The following NSUN2 variants were observed in gnomAD, a reference collection of about 807,000 sequenced individuals.
NSUN2 encodes RNA cytosine C(5)-methyltransferase NSUN2.
NSUN2 carries 63 observed loss-of-function variants against 92.7 expected under a neutral mutation model. The observed-to-expected ratio is 0.68, with a 90% CI of 0.56 to 0.84. NSUN2 has a LOEUF of 0.84. NSUN2 is among the 40% of genes least tolerant of loss of function. NSUN2 has a pLI of 0.00. For synonymous variants in NSUN2, 356 were observed against 348.3 expected (o/e 1.02, Z -0.25); for missense variants, 989 against 964.9 (o/e 1.02, Z -0.33).
rs759251595 is a variant in NSUN2, at chr5:6,600,222, C to T, written c.2008G>A (p.Ala670Thr). 30 of 1,612,076 alleles carry T rather than the reference C, an allele frequency of 1.9e-5. No individual in the cohort carries two copies. The highest frequency in any genetic ancestry group is 5.3e-5 in the African/African-American group (4 of 74,822). Residue 670 changes from alanine (A) to threonine (T), a missense_variant, in exon 19 of 19, where the codon GCT (alanine) becomes ACT (threonine). Physicochemically the swap from Ala to Thr is moderately conservative, Grantham distance 58. Coordinates refer to ENST00000264670, the MANE Select transcript of NSUN2 (RefSeq NM_017755.6). Reference protein sequence around the residue: ...KYEPDSANPDALQCPIVLCGW... With the variant: ...KYEPDSANPDTLQCPIVLCGW... ...CATAAGACGATGGGACACTGCAGAG[C>T]GTCTGGATTCCTACAAGTGAAAGTG...
intron 12 of NSUN2, among the ~76,000 whole-genome samples, chr5:6,609,365 C>T (rs1242510725): frequency 1.3e-5 from 2 of 152,288 alleles, no homozygotes; most frequent in African/African-American, 4.8e-5. Flanking sequence ...GCAAACAGGC[C>T]GGGCTGCATC....
intron 5 of NSUN2, 118 bp from the exon 6 acceptor site, chr5:6,622,218 G>T: frequency 2.7e-6 from 2 of 754,262 alleles, no homozygotes. Flanking sequence ...CTTCTTTACA[G>T]AGTCTATAGC....
At position 6,611,753 on chromosome 5, in the gene NSUN2, T is replaced by C; in HGVS notation, c.1067A>G (p.Lys356Arg). 5 of 1,614,202 alleles carry C rather than the reference T, an allele frequency of 3.1e-6. No homozygotes were observed. Among genetic ancestry groups the C allele is most frequent in the Non-Finnish European group, 4.2e-6 (5 of 1,180,040 alleles). ...ADVSNELPGL[K>R]WMPGITQWKV... The stretch of plus-strand genomic sequence containing the variant: ...CCACTGTGTGATTCCAGGCATCCAC[T>C]TCAGCCCTGGCAGTTCATTAGACAC... Residue 356 changes from lysine (K) to arginine (R), a missense_variant, in exon 10 of 19, where the codon AAG becomes AGG. By Grantham distance (26) the Lys-to-Arg change is conservative. This residue lies in a region of NSUN2 where 626 missense variants were observed against 602.3 expected (regional missense o/e 1.04). Transcript: ENST00000264670.
At chr5:6,625,092 T>C (rs961699678) in intron 4 of NSUN2, among the ~76,000 whole-genome samples, 10 of 150,092 alleles carry the variant, frequency 6.7e-5, no homozygotes, top group Non-Finnish European at 1.2e-4. Flanking sequence ...CCAAGAGCAA[T>C]GTGTGGTAAG....
At chr5:6,605,506 A>G (rs963928145) in intron 14 of NSUN2, 98 bp from the exon 15 acceptor site, 27 of 1,333,024 alleles carry the variant, frequency 2.0e-5, no homozygotes, top group Non-Finnish European at 2.8e-5. Context: ...TCAATCCCCA[A>G]AACTGCAGTG....
In NSUN2 at chr5:6,599,950, C is replaced by T. The variant is rs150472251; in HGVS notation, c.2280G>A (p.Pro760=). 25 of 1,613,592 alleles carry T rather than the reference C, an allele frequency of 1.5e-5. No homozygotes were observed. Among genetic ancestry groups the T allele is most frequent in the Admixed American group, 3.3e-5 (2 of 60,012 alleles). Residue 760 remains proline (P), a synonymous_variant, in exon 19 of 19, where the codon CCG becomes CCA. Coordinates refer to ENST00000264670, the MANE Select transcript of NSUN2 (RefSeq NM_017755.6). ...NSPDVTAGCD[P]AGVHPPR ...CTCACCGGGGTGGATGGACCCCCGC[C>T]GGGTCACAGCCTGCTGTCACGTCTG...
At chr5:6,618,734 A>C (rs1737318198) in intron 7 of NSUN2, among the ~76,000 whole-genome samples, 1 of 152,132 alleles carries the variant, frequency 6.6e-6, no homozygotes, top group South Asian at 2.1e-4. Context: ...AGTTATTTTC[A>C]TGTTTTTGTT....
At chr5:6,614,124 C>CCCCCCCACCT (rs543325766) in intron 9 of NSUN2, among the ~76,000 whole-genome samples, 1 of 73,198 alleles carries the variant, frequency 1.4e-5, no homozygotes, top group African/African-American at 4.9e-5. Flanking sequence ...AAAAAAAAAC[C>CCCCCCCACCT]CACAACACAC....
intron 12 of NSUN2, among the ~76,000 whole-genome samples, chr5:6,607,747 T>TA (rs967144970): frequency 1.3e-5 from 2 of 152,110 alleles, no homozygotes; most frequent in Non-Finnish European, 2.9e-5. Context: ...GCACGATTTC[T>TA]AAAATACCCG....
intron 2 of NSUN2, among the ~76,000 whole-genome samples, chr5:6,632,289 G>A (rs1579385257): frequency 6.6e-6 from 1 of 152,224 alleles, no homozygotes; most frequent in South Asian, 2.1e-4. Context: ...GAACCAAGGG[G>A]TTTTATGCAT....
chr5:6,615,730 CTA>C (rs1350189793), intron 9 of NSUN2, among the ~76,000 whole-genome samples: 9 of 152,362 alleles, frequency 5.9e-5, no homozygotes, highest in Middle Eastern at 6.8e-3. Context: ...CTCTCACTGA[CTA>C]TGCACCAACT....
chr5:6,599,872 G>A lies in NSUN2; in HGVS notation c.*54C>T. On this transcript the variant is annotated 3_prime_UTR_variant, in exon 19 of 19. Transcript: ENST00000264670. ...ATTTGGTTTCAGACACCAGTGACCAGAAGAAGCCAGTTTTGCGTGTGAGGG... is the reference window on the plus strand; with the variant it reads ...ATTTGGTTTCAGACACCAGTGACCAAAAGAAGCCAGTTTTGCGTGTGAGGG... 1 of 1,541,398 alleles carries A rather than the reference G, an allele frequency of 6.5e-7. No homozygotes were observed. Among genetic ancestry groups the A allele is most frequent in the Non-Finnish European group, 8.9e-7 (1 of 1,129,746 alleles).
At chr5:6,628,737 T>C (rs987768195) in intron 3 of NSUN2, among the ~76,000 whole-genome samples, 24 of 152,288 alleles carry the variant, frequency 1.6e-4, no homozygotes, top group Non-Finnish European at 1.0e-4. Flanking sequence ...GTTTAGAGAA[T>C]ACAGCTGCCA....
chr5:6,626,989 G>A (rs1560985191), intron 3 of NSUN2, among the ~76,000 whole-genome samples: 4 of 152,128 alleles, frequency 2.6e-5, no homozygotes, highest in African/African-American at 7.2e-5. Context: ...TTAAAAGCCC[G>A]ACACTGCTCA....
At chr5:6,621,870 A>T in intron 6 of NSUN2, 146 bp downstream of exon 6, 1 of 636,672 alleles carries the variant, frequency 1.6e-6, no homozygotes, top group Admixed American at 2.7e-5. Context: ...CAAGATGTCC[A>T]GTTCTACTTC....
In NSUN2 at chr5:6,632,585, C is replaced by T; in HGVS notation, c.254+14G>A. The T allele has an allele frequency of 3.1e-6, 5 of 1,612,256 alleles. No homozygotes were observed. The highest frequency in any genetic ancestry group is 3.4e-6 in the Non-Finnish European group (4 of 1,178,858). Reference sequence around the variant, plus strand: ...TGGCCCCAACTCCCAAAAAATCAGGCACTGCCTCCCTACCTTTTGTAACCA... The same window carrying T: ...TGGCCCCAACTCCCAAAAAATCAGGTACTGCCTCCCTACCTTTTGTAACCA... On this transcript the variant is annotated intron_variant, in intron 2 of 18. Coordinates refer to ENST00000264670, the MANE Select transcript of NSUN2 (RefSeq NM_017755.6).
chr5:6,612,134 A>C (rs1483526381), intron 9 of NSUN2, among the ~76,000 whole-genome samples: 1 of 152,224 alleles, frequency 6.6e-6, no homozygotes, highest in African/African-American at 2.4e-5. Context: ...GCAAACATTA[A>C]CAATATGTAA....
intron 3 of NSUN2, among the ~76,000 whole-genome samples, chr5:6,630,622 T>C (rs1019480509): frequency 3.3e-5 from 5 of 152,222 alleles, no homozygotes; most frequent in Admixed American, 3.3e-4. Context: ...ATTGTGAATG[T>C]ATATGCTTAT....
chr5:6,608,146 C>G (rs1736854825), intron 12 of NSUN2, among the ~76,000 whole-genome samples: 1 of 152,214 alleles, frequency 6.6e-6, no homozygotes, highest in Non-Finnish European at 1.5e-5. Context: ...CAGGGAACAC[C>G]TTTTATTTCC....
Sources: allele counts gnomAD v4.1 joint callset (sites outside exome capture counted in the v4.1 genomes callset), GRCh38; gene constraint gnomAD v4.1.1; regional missense constraint gnomAD v4.1.1; transcripts MANE v1.5; gene names NCBI Gene and HGNC (gene_info 2026-07-23, HGNC 2026-07-21).